Variants in RTF1 observed in about 807,000 individuals in gnomAD.
The protein encoded by RTF1 is RTF1 homolog, Paf1/RNA polymerase II complex component, also known as RNA polymerase-associated protein RTF1 homolog.
In RTF1, 10 loss-of-function variants were observed where a neutral mutation model predicts 95.7. That is an observed-to-expected ratio of 0.10 (90% CI 0.06 to 0.18). RTF1 has a LOEUF of 0.18. Ranked by LOEUF, RTF1 falls within the 10% of genes least tolerant of loss-of-function variation. RTF1 has a pLI of 1.00. For missense variants in RTF1, 458 were observed against 875.6 expected, an observed-to-expected ratio of 0.52 and a Z score of 6.02; for synonymous variants, 305 against 311.8, an observed-to-expected ratio of 0.98 and a Z score of 0.23.
At chr15:41,449,263 C>T (rs766283976) in intron 2 of RTF1, among the ~76,000 whole-genome samples, 1 of 132,280 alleles carries the variant, frequency 7.6e-6, no homozygotes, top group African/African-American at 3.1e-5. Flanking sequence ...CAGAGTCTCG[C>T]TCTGTTGCCC....
intron 1 of RTF1, among the ~76,000 whole-genome samples, chr15:41,424,762 G>A (rs1431823090): frequency 6.6e-6 from 1 of 152,168 alleles, no homozygotes; most frequent in Non-Finnish European, 1.5e-5. Context: ...TTTAATCCCA[G>A]CACTTTGGGA....
intron 2 of RTF1, among the ~76,000 whole-genome samples, chr15:41,443,806 G>A (rs942126322): frequency 6.6e-6 from 1 of 151,974 alleles, no homozygotes; most frequent in Non-Finnish European, 1.5e-5. Context: ...AGTGGCTCAC[G>A]CCTGTAATCT....
At chr15:41,476,642 T>C in intron 12 of RTF1, 119 bp downstream of exon 12, 1 of 886,214 alleles carries the variant, frequency 1.1e-6, no homozygotes, top group South Asian at 1.4e-5. Flanking sequence ...GGCTCGATTA[T>C]AAGCAACACA....
chr15:41,438,444 G>A lies in RTF1; in HGVS notation c.309+13G>A. On this transcript the variant is annotated intron_variant, in intron 2 of 17. Transcript: ENST00000389629. ...CAGTGACGATGAGGTGGGTGTGGAG[G>A]GCCTCGGCTTCTGGGACCATTAGAT... The A allele has an allele frequency of 1.3e-6, 2 of 1,530,710 alleles. No individual in the cohort carries two copies. The highest frequency in any genetic ancestry group is 2.5e-5 in the East Asian group (1 of 40,720). 94.8% of individuals were successfully genotyped at this position (1,530,710 alleles called of 1,614,324 possible).
In RTF1 at chr15:41,449,684, G is replaced by A. The variant is rs143453533; in HGVS notation, c.310-3217G>A. 2.5e-3 allele frequency among the ~76,000 whole-genome samples: 376 copies of A among 151,626 alleles called. 1 individual carries two copies. The highest frequency in any genetic ancestry group is 8.6e-3 in the African/African-American group (357 of 41,372). On this transcript the variant is annotated intron_variant, in intron 2 of 17. Coordinates refer to ENST00000389629, the MANE Select transcript of RTF1 (RefSeq NM_015138.5). Reference sequence around the variant, plus strand: ...TCCCCAACTTTACAAATACTTTTCTGGTTGTGCACTGTGGTGTGTTTCTCT... The same window carrying A: ...TCCCCAACTTTACAAATACTTTTCTAGTTGTGCACTGTGGTGTGTTTCTCT...
intron 1 of RTF1, among the ~76,000 whole-genome samples, chr15:41,424,035 T>C (rs1307856110): frequency 6.6e-6 from 1 of 152,234 alleles, no homozygotes; most frequent in Non-Finnish European, 1.5e-5. Context: ...ATTTCAGGCA[T>C]GAGCCACCGC....
rs2050942526 is a variant in RTF1 at position 41,476,512 on chromosome 15, C to T, written c.1549C>T (p.Leu517=). The T allele has an allele frequency of 6.2e-7, 1 of 1,613,486 alleles. No individual in the cohort carries two copies. The highest frequency in any genetic ancestry group is 8.5e-7 in the Non-Finnish European group (1 of 1,179,466). The change falls in exon 12 of 18, where the codon CTG becomes TTG. Residue 517 remains leucine (L), a synonymous_variant. Transcript: ENST00000389629. ...CTACGCTATGAAGAAGACTCAGCTA[C>T]TGAAGGAAAAGGTAAGGAGTTGTAC... ...PNYAMKKTQL[L]KEKAMAEDLG...
chr15:41,449,839 A>AT (rs1208016187), intron 2 of RTF1, among the ~76,000 whole-genome samples: 1 of 152,042 alleles, frequency 6.6e-6, no homozygotes, highest in Non-Finnish European at 1.5e-5. Context: ...ACTTTTCTAT[A>AT]TTTTTAAGGC....
At chr15:41,428,614 C>G (rs1387017513) in intron 1 of RTF1, among the ~76,000 whole-genome samples, 1 of 151,210 alleles carries the variant, frequency 6.6e-6, no homozygotes. Context: ...ACTCTGTTAC[C>G]CAAGCTGAAG....
chr15:41,426,781 A>ATGTGTGTG (rs58073154), intron 1 of RTF1, among the ~76,000 whole-genome samples: 3,228 of 78,336 alleles, frequency 0.041, 70 homozygotes, highest in Non-Finnish European at 0.058. Context: ...CTACATATAT[A>ATGTGTGTG]TGTGTGTGTG....
At chr15:41,475,909 A>G (rs2050939726) in intron 11 of RTF1, 90 bp downstream of exon 11, 7 of 655,216 alleles carry the variant, frequency 1.1e-5, no homozygotes, top group South Asian at 3.9e-5. Context: ...ATATCTTGAC[A>G]TTTTTAGCTA....
Position 41,417,132 on chromosome 15 carries a change from G to A in RTF1, c.17G>A (p.Cys6Tyr). MRGRL[C>Y]VGRAAAAAAA... ...GGAGCGCGCATGCGCGGTCGCCTTT[G>A]TGTGGGTCGAGCAGCGGCGGCGGCG... is the stretch of plus-strand genomic sequence containing the variant. Residue 6 changes from cysteine (C) to tyrosine (Y), a missense_variant, in exon 1 of 18, where the codon TGT (cysteine) becomes TAT (tyrosine). Physicochemically the swap from Cys to Tyr is radical, Grantham distance 194. Transcript: ENST00000389629. The A allele has an allele frequency of 8.0e-7, 1 of 1,253,372 alleles. No homozygotes were observed. Among genetic ancestry groups the A allele is most frequent in the Non-Finnish European group, 1.0e-6 (1 of 995,098 alleles). The allele number at this position is 1,253,372 out of a possible 1,614,324, so 77.6% of individuals were successfully genotyped here. A position where few individuals can be genotyped will look rare whatever the true frequency, so the allele number is the denominator to read the frequency against.
chr15:41,434,076 C>T (rs933636042), intron 1 of RTF1, among the ~76,000 whole-genome samples: 3 of 151,686 alleles, frequency 2.0e-5, no homozygotes, highest in African/African-American at 7.3e-5. Flanking sequence ...AACTCCCAAC[C>T]TCAGGTGATC....
At chr15:41,449,422 G>A (rs562896936) in intron 2 of RTF1, among the ~76,000 whole-genome samples, 2 of 151,896 alleles carry the variant, frequency 1.3e-5, no homozygotes, top group East Asian at 3.9e-4. Context: ...TAGTAGAGAC[G>A]GGGTTTCACC....
chr15:41,434,447 G>C (rs574674807), intron 1 of RTF1, among the ~76,000 whole-genome samples: 1 of 152,236 alleles, frequency 6.6e-6, no homozygotes, highest in Admixed American at 6.6e-5. Flanking sequence ...AAAAGGCTAA[G>C]ATACTATATG....
intron 14 of RTF1, among the ~76,000 whole-genome samples, chr15:41,477,997 T>G (rs1304581701): frequency 6.6e-6 from 1 of 152,038 alleles, no homozygotes; most frequent in Non-Finnish European, 1.5e-5. Flanking sequence ...TCCCAGCTAC[T>G]TGGGAGGCTG....
At chr15:41,476,375 T>G in intron 11 of RTF1, 71 bp from the exon 12 acceptor site, 2 of 1,244,464 alleles carry the variant, frequency 1.6e-6, no homozygotes, top group Admixed American at 1.7e-5. Flanking sequence ...GCATCCAAAA[T>G]GGGCTCACTT....
At chr15:41,475,388 A>T (rs2140655768) in intron 9 of RTF1, 137 bp from the exon 10 acceptor site, 1 of 670,236 alleles carries the variant, frequency 1.5e-6, no homozygotes. Context: ...ACAGCCTGGG[A>T]TGATTTTATA....
intron 2 of RTF1, among the ~76,000 whole-genome samples, chr15:41,446,243 T>A (rs2050761289): frequency 6.6e-6 from 1 of 152,102 alleles, no homozygotes; most frequent in Non-Finnish European, 1.5e-5. Flanking sequence ...CTGAACTTTT[T>A]TTCCCCCACA....
Sources: allele counts gnomAD v4.1 joint callset (sites outside exome capture counted in the v4.1 genomes callset), GRCh38; gene constraint gnomAD v4.1.1; transcripts MANE v1.5; gene names NCBI Gene and HGNC (gene_info 2026-07-23, HGNC 2026-07-21).